DDX6: variants seen among roughly 807,000 people sequenced by gnomAD.
The protein encoded by DDX6 is DEAD-box helicase 6.
A neutral mutation model predicts 60.6 loss-of-function variants in DDX6; 7 were observed. The observed-to-expected ratio is 0.12, with a 90% CI of 0.07 to 0.22. DDX6 has a LOEUF of 0.22. Ranked by LOEUF, DDX6 falls within the 10% of genes least tolerant of loss-of-function variation. The probability of loss-of-function intolerance (pLI) is 1.00; values close to 1 mark genes in which losing one functional copy is unlikely to be tolerated. For missense variants in DDX6, 270 were observed against 589.9 expected (o/e 0.46, Z 5.62); for synonymous variants, 207 against 201.0 (o/e 1.03, Z -0.25).
At chr11:118,773,786 C>T (rs1207216067) in intron 4 of DDX6, among the ~76,000 whole-genome samples, 6 of 151,298 alleles carry the variant, frequency 4.0e-5, no homozygotes, top group African/African-American at 1.5e-4. Flanking sequence ...GCCAGGAGTT[C>T]AAGACCAGCC....
chr11:118,752,499 G>A (rs1860810243), intron 13 of DDX6, among the ~76,000 whole-genome samples: 1 of 152,186 alleles, frequency 6.6e-6, no homozygotes, highest in Admixed American at 6.6e-5. Context: ...TTGGTTGGGT[G>A]AGGTGGCTCC....
rs1565556776 is a variant in DDX6 at position 118,751,385 on chromosome 11, T to C, written c.*720A>G. 6.6e-6 allele frequency: 1 copy of C among 151,956 alleles called. No homozygotes were observed. Among genetic ancestry groups the C allele is most frequent in the Non-Finnish European group, 1.5e-5 (1 of 68,010 alleles). 9.4% of individuals were successfully genotyped at this position (151,956 alleles called of 1,614,324 possible). A position where few individuals can be genotyped will look rare whatever the true frequency, so the allele number is the denominator to read the frequency against. On this transcript the variant is annotated 3_prime_UTR_variant, in exon 14 of 14. Transcript: ENST00000534980. ...GGATTGTTTTTTTAAATACATGTAT[T>C]TACAGTGCGGATGAACTGCAGTTGC...
chr11:118,780,994 G>A (rs1364658213), intron 3 of DDX6, 127 bp downstream of exon 3: 2 of 612,138 alleles, frequency 3.3e-6, no homozygotes, highest in Non-Finnish European at 6.0e-6. Context: ...TATCTTACTG[G>A]GTTGGAGGAG....
chr11:118,761,952 G>A lies in DDX6; in HGVS notation c.741+1260C>T, dbSNP rs1591894443. Reference sequence around the variant, plus strand: ...TCTCTCTCATTACTTAAAGATAAAAGTCTGATTTGAATTAAATCATGTTAC... The same window carrying A: ...TCTCTCTCATTACTTAAAGATAAAAATCTGATTTGAATTAAATCATGTTAC... On this transcript the variant is annotated intron_variant, in intron 7 of 13. Coordinates refer to ENST00000534980, the MANE Select transcript of DDX6 (RefSeq NM_004397.6). 6.0e-5 allele frequency among the ~76,000 whole-genome samples: 9 copies of A among 150,422 alleles called. No homozygotes were observed. In the South Asian group the frequency reaches 1.9e-3, roughly 32 times the overall value.
chr11:118,785,821 A>T, intron 2 of DDX6: 1 of 392,084 alleles, frequency 2.6e-6, no homozygotes, highest in Non-Finnish European at 4.5e-6. Context: ...AAAACCATTT[A>T]TACAAAATTT....
chr11:118,790,484 G>C (rs917215879), intron 1 of DDX6: 1 of 152,088 alleles, frequency 6.6e-6, no homozygotes, highest in Non-Finnish European at 1.5e-5. Flanking sequence ...CTGCAATCAA[G>C]CAGCGGCCGG....
At chr11:118,764,787 G>C (rs1440863701) in intron 6 of DDX6, among the ~76,000 whole-genome samples, 10 of 140,664 alleles carry the variant, frequency 7.1e-5, no homozygotes, top group Non-Finnish European at 1.2e-4. Context: ...CTGGGCAACA[G>C]AGCAAGACTC....
chr11:118,766,290 T>C (rs1591901375), intron 5 of DDX6, among the ~76,000 whole-genome samples: 1 of 149,768 alleles, frequency 6.7e-6, no homozygotes, highest in Non-Finnish European at 1.5e-5. Context: ...AAAAATTAGC[T>C]GGGAATGGTG....
chr11:118,767,140 G>A lies in DDX6; in HGVS notation c.499+1083C>T, dbSNP rs368797008. Among the ~76,000 whole-genome samples the A allele has an allele frequency of 4.1e-4, 62 of 152,176 alleles. No individual in the cohort carries two copies. In the South Asian group the frequency reaches 8.1e-3, roughly 20 times the overall value. On this transcript the variant is annotated intron_variant, in intron 5 of 13. Coordinates refer to ENST00000534980, the MANE Select transcript of DDX6 (RefSeq NM_004397.6). ...GACCTCAGGTGATCTGCCTTGCCTC[G>A]GCCTCCCGAAGTGCTGGGATTACAG... is the stretch of plus-strand genomic sequence containing the variant.
intron 1 of DDX6, chr11:118,786,890 A>C (rs1055488017): frequency 6.6e-6 from 1 of 152,200 alleles, no homozygotes; most frequent in African/African-American, 2.4e-5. Context: ...ATTACAACTC[A>C]CTGAAGTATC....
intron 4 of DDX6, among the ~76,000 whole-genome samples, chr11:118,773,102 G>A (rs1188289851): frequency 6.6e-6 from 1 of 152,146 alleles, no homozygotes; most frequent in Non-Finnish European, 1.5e-5. Flanking sequence ...GTTAGATCGA[G>A]TTGGTTTCTG....
At chr11:118,755,148 C>CTT (rs1555158438) in intron 12 of DDX6, among the ~76,000 whole-genome samples, 2 of 152,160 alleles carry the variant, frequency 1.3e-5, no homozygotes, top group East Asian at 3.8e-4. Context: ...CATTAAACAA[C>CTT]AGTCACAGAA....
chr11:118,770,896 A>AG (rs1861514123), intron 4 of DDX6, among the ~76,000 whole-genome samples: 1 of 151,806 alleles, frequency 6.6e-6, no homozygotes, highest in Non-Finnish European at 1.5e-5. Flanking sequence ...AAAAAAAAAA[A>AG]AAGAGAGAGA....
At chr11:118,778,904 G>A (rs1352780480) in intron 4 of DDX6, among the ~76,000 whole-genome samples, 1 of 152,082 alleles carries the variant, frequency 6.6e-6, no homozygotes, top group Non-Finnish European at 1.5e-5. Context: ...AGGGGGCCAG[G>A]CATGGTGGCT....
At chr11:118,770,163 T>A (rs2137484859) in intron 4 of DDX6, among the ~76,000 whole-genome samples, 1 of 151,870 alleles carries the variant, frequency 6.6e-6, no homozygotes, top group East Asian at 1.9e-4. Context: ...GCAGCTTAGA[T>A]TAACGGCGTG....
Position 118,774,463 on chromosome 11 carries a change from T to TC in DDX6, c.369+5168dup, listed in dbSNP as rs1272719380. Among the ~76,000 whole-genome samples, 174 of 112,872 alleles carry TC rather than the reference T, an allele frequency of 1.5e-3. 2 individuals carry two copies. Among genetic ancestry groups the TC allele is most frequent in the African/African-American group, 5.1e-3 (170 of 33,660 alleles). The allele number at this position is 112,872 out of a possible 152,430, so 74.0% of individuals were successfully genotyped here. The stretch of plus-strand genomic sequence containing the variant: ...TTTTAAGTGCCTAATTCTCTAACAG[T>TC]CTTTTTTTTTTTTTTTTTTTTGTGA... On this transcript the variant is annotated intron_variant, in intron 4 of 13. Coordinates refer to ENST00000534980, the MANE Select transcript of DDX6 (RefSeq NM_004397.6).
Position 118,750,123 on chromosome 11 carries a change from T to TATTTTGTA in DDX6, c.*1974_*1981dup. 2 of 151,888 alleles carry TATTTTGTA rather than the reference T, an allele frequency of 1.3e-5. 1 individual carries two copies. Among genetic ancestry groups the TATTTTGTA allele is most frequent in the Middle Eastern group, 6.3e-3 (2 of 316 alleles). 9.4% of individuals were successfully genotyped at this position (151,888 alleles called of 1,614,324 possible). Reference sequence around the variant, plus strand: ...AAAACATTAAAGTATATGCGGGACTTATTTTGTAATATTTTAGGGTTTTGA... The same window carrying TATTTTGTA: ...AAAACATTAAAGTATATGCGGGACTTATTTTGTAATTTTGTAATATTTTAGGGTTTTGA... On this transcript the variant is annotated 3_prime_UTR_variant, in exon 14 of 14. Transcript: ENST00000534980.
intron 7 of DDX6, among the ~76,000 whole-genome samples, chr11:118,761,905 G>A (rs1591894324): frequency 6.7e-6 from 1 of 149,184 alleles, no homozygotes; most frequent in East Asian, 2.0e-4. Flanking sequence ...CTTAGTGCTG[G>A]TACCCAGTGA....
intron 4 of DDX6, among the ~76,000 whole-genome samples, chr11:118,772,310 T>C (rs1555162766): frequency 6.6e-6 from 1 of 152,158 alleles, no homozygotes; most frequent in Non-Finnish European, 1.5e-5. Flanking sequence ...CAATAAAATA[T>C]TATTCAGGAA....
Sources: gnomAD v4.1 joint callset for allele counts (sites outside exome capture counted in the v4.1 genomes callset) on GRCh38, gnomAD v4.1.1 for gene constraint, MANE v1.5 for transcripts, NCBI Gene and HGNC (gene_info 2026-07-23, HGNC 2026-07-21) for gene names.